SRL: variants seen among roughly 807,000 people sequenced by gnomAD.
The protein encoded by SRL is sarcalumenin.
A neutral mutation model predicts 39.5 loss-of-function variants in SRL; 23 were observed. That is an observed-to-expected ratio of 0.58 (90% CI 0.42 to 0.82). The LOEUF (loss-of-function observed/expected upper bound fraction) is 0.82, where lower values mean the gene tolerates loss of function less well. SRL is among the 40% of genes least tolerant of loss of function. The probability of loss-of-function intolerance (pLI) is 0.00; values close to 1 mark genes in which losing one functional copy is unlikely to be tolerated. For missense variants in SRL, 592 were observed against 607.8 expected (o/e 0.97, Z 0.27); for synonymous variants, 272 against 237.4 (o/e 1.15, Z -1.34).
chr16:4,212,839 C>T (rs1226144740), intron 1 of SRL, among the ~76,000 whole-genome samples: 1 of 152,152 alleles, frequency 6.6e-6, no homozygotes, highest in African/African-American at 2.4e-5. Context: ...CCCACCAGCC[C>T]CACAGCCTCA....
At chr16:4,228,358 C>T (rs1431701437) in intron 1 of SRL, among the ~76,000 whole-genome samples, 4 of 151,510 alleles carry the variant, frequency 2.6e-5, no homozygotes, top group Admixed American at 2.0e-4. Context: ...ACTGCTTGAA[C>T]CCGGGAGGTG....
chr16:4,242,041 G>C lies in SRL; in HGVS notation c.27C>G (p.Cys9Trp). The C allele has an allele frequency of 6.2e-7, 1 of 1,613,022 alleles. No homozygotes were observed. The highest frequency in any genetic ancestry group is 8.5e-7 in the Non-Finnish European group (1 of 1,179,840). Residue 9 changes from cysteine to tryptophan, a missense_variant, in exon 1 of 6, where the codon TGC becomes TGG. Coordinates refer to ENST00000399609, the MANE Select transcript of SRL (RefSeq NM_001098814.2). ...CTGAGAACAGGAGCGAGGCCAGGAG[G>C]CAGCCGAGCAGGACCAGCGCCCTCA... MRALVLLG[C>W]LLASLLFSGQ...
chr16:4,224,688 C>A (rs901798308), intron 1 of SRL, among the ~76,000 whole-genome samples: 3 of 151,540 alleles, frequency 2.0e-5, no homozygotes, highest in Admixed American at 6.6e-5. Flanking sequence ...TCACTGCACT[C>A]TCGCCTGGGC....
intron 1 of SRL, among the ~76,000 whole-genome samples, chr16:4,213,867 C>A (rs1333537975): frequency 6.6e-6 from 1 of 152,222 alleles, no homozygotes; most frequent in Non-Finnish European, 1.5e-5. Flanking sequence ...TTGTTAACCT[C>A]TCTTGAAATG....
Position 4,195,607 on chromosome 16 carries a change from C to T in SRL, c.556G>A (p.Val186Ile), listed in dbSNP as rs758702639. The T allele has an allele frequency of 3.7e-6, 6 of 1,614,078 alleles. No homozygotes were observed. The East Asian group carries it at 1.1e-4, about 30-fold the overall frequency. ...IEVPHKLLER[V>I]TFVDTPGIIE... Reference sequence around the variant, plus strand: ...ATGCCTGGTGTATCCACAAAAGTGACCCTCTCCAGAAGTTTGTGGGGAACC... The same window carrying T: ...ATGCCTGGTGTATCCACAAAAGTGATCCTCTCCAGAAGTTTGTGGGGAACC... Residue 186 changes from valine (V) to isoleucine (I), a missense_variant, in exon 5 of 6, where the codon GTC becomes ATC. Transcript: ENST00000399609.
chr16:4,204,685 A>T, intron 1 of SRL, 51 bp from the exon 2 acceptor site: 1 of 1,554,184 alleles, frequency 6.4e-7, no homozygotes, highest in Non-Finnish European at 8.9e-7. Context: ...CAGCCAGCTG[A>T]GCTCTGGGCC....
In SRL at chr16:4,195,623, G is replaced by C; in HGVS notation, c.540C>G (p.His180Gln). 2 of 1,614,258 alleles carry C rather than the reference G, an allele frequency of 1.2e-6. No individual in the cohort carries two copies. Among genetic ancestry groups the C allele is most frequent in the African/African-American group, 1.3e-5 (1 of 75,064 alleles). The change falls in exon 5 of 6, where the codon CAC (histidine) becomes CAG (glutamine). Residue 180 changes from histidine (H) to glutamine (Q), a missense_variant. Coordinates refer to ENST00000399609, the MANE Select transcript of SRL (RefSeq NM_001098814.2). ...LEKLIGIEVP[H>Q]KLLERVTFVD... The stretch of plus-strand genomic sequence containing the variant: ...CAAAAGTGACCCTCTCCAGAAGTTT[G>C]TGGGGAACCTCAATGCCAATCAGCT...
chr16:4,199,903 C>A (rs568326530), intron 3 of SRL, among the ~76,000 whole-genome samples: 3 of 152,082 alleles, frequency 2.0e-5, no homozygotes, highest in African/African-American at 7.2e-5. Flanking sequence ...TACCATGTTG[C>A]CCAGGCTGGT....
At chr16:4,202,772 G>A (rs35059742) in intron 3 of SRL, among the ~76,000 whole-genome samples, 18,321 of 152,094 alleles carry the variant, frequency 0.12, 1,466 homozygotes, top group Non-Finnish European at 0.18. Context: ...GGGAAGGAAC[G>A]GAGTGATCAG....
At chr16:4,236,283 C>A (rs1343097965) in intron 1 of SRL, among the ~76,000 whole-genome samples, 1 of 152,118 alleles carries the variant, frequency 6.6e-6, no homozygotes, top group African/African-American at 2.4e-5. Context: ...GAAGGAACAG[C>A]TCCTCTCCCT....
chr16:4,211,038 T>C (rs1053153647), intron 1 of SRL, among the ~76,000 whole-genome samples: 7 of 152,140 alleles, frequency 4.6e-5, no homozygotes, highest in African/African-American at 1.7e-4. Flanking sequence ...CCTCACAAAC[T>C]GCCCCTCAGC....
rs2052048149 is a variant in SRL at position 4,190,528 on chromosome 16, G to C, written c.*1625C>G. 2.5e-6 allele frequency: 1 copy of C among 398,788 alleles called. No individual in the cohort carries two copies. Among genetic ancestry groups the C allele is most frequent in the South Asian group, 1.3e-4 (1 of 7,828 alleles). 24.7% of individuals were successfully genotyped at this position (398,788 alleles called of 1,614,324 possible). A position where few individuals can be genotyped will look rare whatever the true frequency, so the allele number is the denominator to read the frequency against. On this transcript the variant is annotated 3_prime_UTR_variant, in exon 6 of 6. Transcript: ENST00000399609. ...TCCAAAGGCTGCTTCTTCCCTGCAGGTCCTGCCCCTCTGCTCCCCACCACC... is the reference window on the plus strand; with the variant it reads ...TCCAAAGGCTGCTTCTTCCCTGCAGCTCCTGCCCCTCTGCTCCCCACCACC...
chr16:4,195,496 C>T, intron 5 of SRL, 57 bp downstream of exon 5: 1 of 1,557,836 alleles, frequency 6.4e-7, no homozygotes, highest in Non-Finnish European at 8.8e-7. Flanking sequence ...TCATGCCTGG[C>T]CAAAAATAAT....
chr16:4,207,195 C>A (rs1006537180), intron 1 of SRL: 1 of 456,906 alleles, frequency 2.2e-6, no homozygotes, highest in Non-Finnish European at 4.4e-6. Context: ...GGAGGGAACT[C>A]CTCCTTCTTC....
At chr16:4,204,439 G>A (rs888982559) in intron 2 of SRL, 94 bp downstream of exon 2, 21 of 1,147,878 alleles carry the variant, frequency 1.8e-5, no homozygotes, top group Admixed American at 5.5e-5. Context: ...ATACAGCCCC[G>A]GCACGCCCTG....
At position 4,197,830 on chromosome 16, in the gene SRL, C is replaced by A; in HGVS notation, c.345G>T (p.Gly115=). 1 of 1,613,518 alleles carries A rather than the reference C, an allele frequency of 6.2e-7. No homozygotes were observed. The highest frequency in any genetic ancestry group is 8.5e-7 in the Non-Finnish European group (1 of 1,179,442). ...GKSTMINYLL[G]LENTRYQLYT... is the part of the protein sequence containing the mutation. ...AGAGCTGATAGCGAGTATTTTCCAGCCCAAGGAGGTAGTTTATCATGGTAG... is the reference window on the plus strand; with the variant it reads ...AGAGCTGATAGCGAGTATTTTCCAGACCAAGGAGGTAGTTTATCATGGTAG... The change falls in exon 4 of 6, where the codon GGG becomes GGT. Residue 115 remains glycine (G), a synonymous_variant. Transcript: ENST00000399609.
chr16:4,234,885 C>T (rs1264042598), intron 1 of SRL, among the ~76,000 whole-genome samples: 1 of 152,236 alleles, frequency 6.6e-6, no homozygotes, highest in Non-Finnish European at 1.5e-5. Flanking sequence ...GATTTAGGAA[C>T]TTTGGGTGAG....
At chr16:4,207,667 C>T (rs1384680769) in intron 1 of SRL, 1 of 430,438 alleles carries the variant, frequency 2.3e-6, no homozygotes, top group Non-Finnish European at 4.7e-6. Flanking sequence ...CTGGCAGTTC[C>T]CTCCGTGGGG....
Position 4,192,772 on chromosome 16 carries a change from A to T in SRL, c.803T>A (p.Val268Asp). The T allele has an allele frequency of 6.2e-7, 1 of 1,614,090 alleles. No homozygotes were observed. The highest frequency in any genetic ancestry group is 1.1e-5 in the South Asian group (1 of 91,074). ...CAAGCTCCAGAAGAGGGCCCCGTAA[A>T]CCCGCATGAGCATTTGGGTGGCCAG... Reference protein sequence around the residue: ...DNLATQMLMRVYGALFWSLAP... With the variant: ...DNLATQMLMRDYGALFWSLAP... Residue 268 changes from valine (V) to aspartate (D), a missense_variant, in exon 6 of 6, where the codon GTT (valine) becomes GAT (aspartate). Transcript: ENST00000399609. This position sits in a 1 kb window ranked among gnomAD's most constrained non-coding sequence, Gnocchi z 4.0.
Sources: allele counts gnomAD v4.1 joint callset (sites outside exome capture counted in the v4.1 genomes callset), GRCh38; gene constraint gnomAD v4.1.1; non-coding constraint Gnocchi (gnomAD v3.1); transcripts MANE v1.5; gene names NCBI Gene and HGNC (gene_info 2026-07-23, HGNC 2026-07-21).